Variants in DSC3 observed in about 807,000 individuals in gnomAD.
The protein encoded by DSC3 is desmocollin-3.
A neutral mutation model predicts 89.5 loss-of-function variants in DSC3; 97 were observed. That is an observed-to-expected ratio of 1.08 (90% CI 0.92 to 1.28). The LOEUF is 1.28. Ranked by LOEUF, DSC3 falls within the 50% of genes most tolerant of loss-of-function variation. The probability of loss-of-function intolerance (pLI) is 0.00; values close to 1 mark genes in which losing one functional copy is unlikely to be tolerated. For synonymous variants in DSC3, 436 were observed against 384.1 expected, an observed-to-expected ratio of 1.14 and a Z score of -1.58; for missense variants, 1,199 against 1,085.3, an observed-to-expected ratio of 1.10 and a Z score of -1.47.
Position 31,004,146 on chromosome 18 carries a change from G to C in DSC3, c.2109C>G (p.Leu703=), listed in dbSNP as rs1263537507. The change falls in exon 13 of 16, where the codon CTC becomes CTG. Residue 703 remains leucine (L), a synonymous_variant. Coordinates refer to ENST00000360428, the MANE Select transcript of DSC3 (RefSeq NM_001941.5). The part of the protein sequence containing the change: ...ILAILLGIAL[L]FSVLLTLVCG... ...CAAGAAAGTGAAAATACTTACAAAA[G>C]AGCAGTGCTATACCCAGTAATATTG... 1.9e-6 allele frequency: 3 copies of C among 1,605,780 alleles called. No homozygotes were observed. Among genetic ancestry groups the C allele is most frequent in the Non-Finnish European group, 2.6e-6 (3 of 1,172,908 alleles).
chr18:31,007,199 G>A (rs554940320), intron 11 of DSC3, 68 bp from the exon 12 acceptor site: 53 of 1,141,766 alleles, frequency 4.6e-5, no homozygotes, highest in Non-Finnish European at 6.6e-5. Flanking sequence ...AGAATAAAAA[G>A]TCAATTATAT....
chr18:31,025,234 C>A (rs901264413), intron 5 of DSC3, among the ~76,000 whole-genome samples: 1 of 152,124 alleles, frequency 6.6e-6, no homozygotes, highest in Non-Finnish European at 1.5e-5. Context: ...GAGTTATTTG[C>A]TATTGACTAT....
Position 31,042,742 on chromosome 18 carries a change from G to T in DSC3, c.-82C>A. On this transcript the variant is annotated 5_prime_UTR_variant, in exon 1 of 16. Coordinates refer to ENST00000360428, the MANE Select transcript of DSC3 (RefSeq NM_001941.5). ...ACCTGCCGAGGTGCAGGGCGCGGGAGGTGCTTTTCTCGCCGCTGCTTGTTT... is the reference window on the plus strand; with the variant it reads ...ACCTGCCGAGGTGCAGGGCGCGGGATGTGCTTTTCTCGCCGCTGCTTGTTT... 2 of 1,319,568 alleles carry T rather than the reference G, an allele frequency of 1.5e-6. No individual in the cohort carries two copies. The highest frequency in any genetic ancestry group is 2.1e-6 in the Non-Finnish European group (2 of 959,042). 81.7% of individuals were successfully genotyped at this position (1,319,568 alleles called of 1,614,324 possible). A position where few individuals can be genotyped will look rare whatever the true frequency, so the allele number is the denominator to read the frequency against.
chr18:31,030,082 T>C (rs528255481), intron 3 of DSC3, among the ~76,000 whole-genome samples: 1 of 152,310 alleles, frequency 6.6e-6, no homozygotes, highest in African/African-American at 2.4e-5. Context: ...TGGTAGCCCT[T>C]GGCCACCATA....
At chr18:31,028,246 G>A (rs1985665874) in intron 4 of DSC3, among the ~76,000 whole-genome samples, 3 of 152,040 alleles carry the variant, frequency 2.0e-5, no homozygotes, top group Non-Finnish European at 4.4e-5. Context: ...GGAAGATCCA[G>A]CCAAACATAC....
chr18:31,006,859 T>A (rs1407566547), intron 12 of DSC3, 48 bp downstream of exon 12: 4 of 1,407,330 alleles, frequency 2.8e-6, no homozygotes, highest in Non-Finnish European at 3.0e-6. Context: ...TATCCTCCAG[T>A]TATTCTGTTA....
chr18:31,024,884 G>T (rs1235828851), intron 5 of DSC3, among the ~76,000 whole-genome samples: 1 of 152,116 alleles, frequency 6.6e-6, no homozygotes, highest in Non-Finnish European at 1.5e-5. Flanking sequence ...TTCCCAATTT[G>T]TCACTATCAA....
intron 15 of DSC3, among the ~76,000 whole-genome samples, chr18:30,995,971 T>TAAAAAAAAAAAAAAAAAAAAA (rs1196444633): frequency 1.2e-3 from 46 of 37,024 alleles, no homozygotes; most frequent in Non-Finnish European, 1.6e-3. Context: ...GACCCTGCCT[T>TAAAAAAAAAAAAAAAAAAAAA]AAAAAAAAAA....
In DSC3 at chr18:30,993,595, C is replaced by T. The variant is rs902898506; in HGVS notation, c.*580G>A. ...TTGCATTGATTAATAATAATATACA[C>T]ACACACATTTATTTCCAACTATATT... On this transcript the variant is annotated 3_prime_UTR_variant, in exon 16 of 16. Coordinates refer to ENST00000360428, the MANE Select transcript of DSC3 (RefSeq NM_001941.5). The T allele has an allele frequency of 6.5e-6, 1 of 152,830 alleles. No individual in the cohort carries two copies. Among genetic ancestry groups the T allele is most frequent in the African/African-American group, 2.4e-5 (1 of 41,408 alleles). The allele number at this position is 152,830 out of a possible 1,614,324, so 9.5% of individuals were successfully genotyped here.
chr18:31,035,476 C>A (rs1410906049), intron 1 of DSC3, among the ~76,000 whole-genome samples: 1 of 151,926 alleles, frequency 6.6e-6, no homozygotes, highest in African/African-American at 2.4e-5. Context: ...CATACATATG[C>A]TTAATTTAAT....
In DSC3 at chr18:30,994,408, T is replaced by C. The variant is rs201753967; in HGVS notation, c.2494-36A>G. ...TTTTAAAAAATGAATTGCATTATAG[T>C]TTTAAACAACTTAAATATATGAACA... On this transcript the variant is annotated intron_variant, in intron 15 of 15. Coordinates refer to ENST00000360428, the MANE Select transcript of DSC3 (RefSeq NM_001941.5). 17 of 1,602,242 alleles carry C rather than the reference T, an allele frequency of 1.1e-5. No homozygotes were observed. The East Asian group carries it at 1.6e-4, about 15-fold the overall frequency.
chr18:31,030,252 T>G (rs1391684494), intron 3 of DSC3, among the ~76,000 whole-genome samples: 2 of 152,178 alleles, frequency 1.3e-5, no homozygotes, highest in African/African-American at 4.8e-5. Flanking sequence ...TGGGAAAAAG[T>G]TCTATTAGAC....
intron 14 of DSC3, among the ~76,000 whole-genome samples, chr18:31,000,976 G>A (rs1984631703): frequency 6.7e-6 from 1 of 149,350 alleles, no homozygotes; most frequent in African/African-American, 2.5e-5. Context: ...GTACTTTTGT[G>A]TATATATATA....
rs768390036 is a variant in DSC3 at position 31,022,458 on chromosome 18, C to T, written c.820G>A (p.Asp274Asn). Residue 274 changes from aspartate (D) to asparagine (N), a missense_variant, in exon 7 of 16, where the codon GAC (aspartate) becomes AAC (asparagine). Physicochemically the swap from Asp to Asn is conservative, Grantham distance 23. Coordinates refer to ENST00000360428, the MANE Select transcript of DSC3 (RefSeq NM_001941.5). ...TATTTCAGGCGCGTATGCATTGTGT[C>T]CGGTTCATCTCTGTCTGTGGCACAA... ...VVCATDRDEP[D>N]TMHTRLKYSI... The T allele has an allele frequency of 6.2e-7, 1 of 1,614,048 alleles. No homozygotes were observed. The highest frequency in any genetic ancestry group is 2.2e-5 in the East Asian group (1 of 44,868).
intron 6 of DSC3, among the ~76,000 whole-genome samples, chr18:31,023,432 C>T (rs898627961): frequency 3.9e-5 from 6 of 152,006 alleles, no homozygotes; most frequent in African/African-American, 1.4e-4. Context: ...TGTTGTAAAC[C>T]TTCACTACAC....
chr18:31,034,254 G>T, intron 1 of DSC3, among the ~76,000 whole-genome samples: 1 of 152,094 alleles, frequency 6.6e-6, no homozygotes, highest in East Asian at 1.9e-4. Flanking sequence ...CCCAAAAAAA[G>T]ATATTAAAAT....
At chr18:31,032,415 G>A (rs1029479794) in intron 1 of DSC3, 139 bp from the exon 2 acceptor site, 74 of 689,704 alleles carry the variant, frequency 1.1e-4, no homozygotes, top group African/African-American at 1.1e-3. Context: ...GGAATAGAAA[G>A]GAATTTGCTC....
chr18:31,009,991 G>GTTACACTGTA (rs1985001900), intron 9 of DSC3, among the ~76,000 whole-genome samples: 1 of 152,150 alleles, frequency 6.6e-6, no homozygotes, highest in Non-Finnish European at 1.5e-5. Flanking sequence ...AAAACATTAT[G>GTTACACTGTA]TTACACTGTA....
At chr18:31,001,594 C>T (rs1021749694) in intron 14 of DSC3, 24 bp downstream of exon 14, 1 of 1,605,888 alleles carries the variant, frequency 6.2e-7, no homozygotes, top group Non-Finnish European at 8.5e-7. Flanking sequence ...GATACAAATA[C>T]ATATTTATTT....
Sources: gnomAD v4.1 joint callset for allele counts (sites outside exome capture counted in the v4.1 genomes callset) on GRCh38, gnomAD v4.1.1 for gene constraint, MANE v1.5 for transcripts, NCBI Gene and HGNC (gene_info 2026-07-23, HGNC 2026-07-21) for gene names.